Variants in ATP6V1H observed in about 807,000 individuals in gnomAD.
ATP6V1H encodes the protein V-type proton ATPase subunit H.
Under a neutral mutation model 71.7 loss-of-function variants are expected in ATP6V1H, and 39 were observed. The observed-to-expected ratio is 0.54, with a 90% CI of 0.42 to 0.71. The LOEUF is 0.71. ATP6V1H is among the 30% of genes least tolerant of loss of function. The pLI, the probability that ATP6V1H is intolerant of heterozygous loss-of-function variation, is 0.00. For missense variants in ATP6V1H, 509 were observed against 594.9 expected (o/e 0.86, Z 1.50); for synonymous variants, 192 against 199.3 (o/e 0.96, Z 0.31).
At chr8:53,801,703 T>A (rs1051797477) in intron 8 of ATP6V1H, 96 bp downstream of exon 8, 11 of 1,048,858 alleles carry the variant, frequency 1.0e-5, no homozygotes, top group Non-Finnish European at 1.4e-5. Flanking sequence ...ATGAAAAAAA[T>A]AAAATATTTC....
chr8:53,787,260 G>A (rs1242297732), intron 9 of ATP6V1H, among the ~76,000 whole-genome samples: 2 of 152,152 alleles, frequency 1.3e-5, no homozygotes, highest in Non-Finnish European at 2.9e-5. Flanking sequence ...TAGAAGTTAG[G>A]CAAAGACGTT....
At chr8:53,785,953 G>A (rs879262608) in intron 9 of ATP6V1H, among the ~76,000 whole-genome samples, 6 of 152,204 alleles carry the variant, frequency 3.9e-5, no homozygotes, top group Admixed American at 6.5e-5. Flanking sequence ...CCCTTACTGC[G>A]GGATGCCTCC....
At chr8:53,807,357 T>C (rs1164035951) in intron 7 of ATP6V1H, among the ~76,000 whole-genome samples, 3 of 151,668 alleles carry the variant, frequency 2.0e-5, no homozygotes, top group Non-Finnish European at 4.4e-5. Context: ...CCCAGCACTT[T>C]GGGAGGCCGA....
At chr8:53,721,813 A>G (rs1333127704) in intron 13 of ATP6V1H, among the ~76,000 whole-genome samples, 3 of 152,258 alleles carry the variant, frequency 2.0e-5, no homozygotes, top group Non-Finnish European at 2.9e-5. Context: ...TTTCTCAAAC[A>G]TATTTTCATA....
At chr8:53,823,148 G>T (rs1031383454) in intron 4 of ATP6V1H, among the ~76,000 whole-genome samples, 1 of 151,874 alleles carries the variant, frequency 6.6e-6, no homozygotes, top group African/African-American at 2.4e-5. Context: ...CAATAAAGTA[G>T]ATCTGATAAA....
At chr8:53,720,887 T>C (rs936614478) in intron 13 of ATP6V1H, among the ~76,000 whole-genome samples, 2 of 152,230 alleles carry the variant, frequency 1.3e-5, no homozygotes, top group Non-Finnish European at 2.9e-5. Flanking sequence ...TGTGCAAATT[T>C]TTCATAACTA....
intron 6 of ATP6V1H, 57 bp downstream of exon 6, chr8:53,814,605 T>C: frequency 1.0e-6 from 1 of 979,884 alleles, no homozygotes; most frequent in Non-Finnish European, 1.6e-6. Context: ...ATAAATAGCT[T>C]AAAAGAACAC....
intron 7 of ATP6V1H, chr8:53,806,968 G>T (rs1305198327): frequency 2.4e-6 from 1 of 409,328 alleles, no homozygotes; most frequent in African/African-American, 2.0e-5. Flanking sequence ...TTGGACCATC[G>T]TAGGGCAGGG....
At chr8:53,742,742 A>G (rs1223620870) in intron 13 of ATP6V1H, among the ~76,000 whole-genome samples, 1 of 152,254 alleles carries the variant, frequency 6.6e-6, no homozygotes, top group African/African-American at 2.4e-5. Flanking sequence ...ATGTGCCTGC[A>G]TCTTCAAACG....
At chr8:53,777,026 CTG>C (rs1350970214) in intron 9 of ATP6V1H, among the ~76,000 whole-genome samples, 2 of 152,118 alleles carry the variant, frequency 1.3e-5, no homozygotes, top group African/African-American at 4.8e-5. Context: ...CAAAAAAATA[CTG>C]TTTCTTCCCT....
At chr8:53,734,093 C>T (rs569638733) in intron 13 of ATP6V1H, among the ~76,000 whole-genome samples, 42 of 152,212 alleles carry the variant, frequency 2.8e-4, no homozygotes, top group Non-Finnish European at 5.0e-4. Flanking sequence ...CCCCCCAATG[C>T]TGTGGTGACT....
At chr8:53,749,519 C>A (rs1002073691) in intron 12 of ATP6V1H, among the ~76,000 whole-genome samples, 1 of 152,208 alleles carries the variant, frequency 6.6e-6, no homozygotes, top group African/African-American at 2.4e-5. Flanking sequence ...CCTCATGGAG[C>A]TGGCTATCCC....
chr8:53,775,697 C>G lies in ATP6V1H; in HGVS notation c.871-3530G>C, dbSNP rs551104298. ...AATGTTCTCCAAGGCCCCACCAGAG[C>G]AGCTAGATACAGAGTGTCGATTGGT... is the stretch of plus-strand genomic sequence containing the variant. On this transcript the variant is annotated intron_variant, in intron 9 of 13. Transcript: ENST00000359530. Among the ~76,000 whole-genome samples, 6 of 151,986 alleles carry G rather than the reference C, an allele frequency of 3.9e-5. No individual in the cohort carries two copies. In the South Asian group the frequency reaches 1.3e-3, roughly 32 times the overall value.
chr8:53,759,873 G>A (rs1181923845), intron 11 of ATP6V1H, among the ~76,000 whole-genome samples: 1 of 152,228 alleles, frequency 6.6e-6, no homozygotes, highest in Non-Finnish European at 1.5e-5. Flanking sequence ...TACTTGCTAA[G>A]TGTGGAATTA....
intron 9 of ATP6V1H, among the ~76,000 whole-genome samples, chr8:53,772,903 C>CAAAAAAAAAAAAAAAAA (rs201949406): frequency 1.7e-5 from 1 of 59,402 alleles, no homozygotes; most frequent in Non-Finnish European, 3.7e-5. Context: ...CTATCAAATG[C>CAAAAAAAAAAAAAAAAA]AAAAAAAAAA....
chr8:53,728,797 T>G (rs758228311), intron 13 of ATP6V1H, among the ~76,000 whole-genome samples: 1 of 152,192 alleles, frequency 6.6e-6, no homozygotes, highest in Non-Finnish European at 1.5e-5. Context: ...CAGTCCTGAT[T>G]TCACCACAAC....
chr8:53,772,005 T>G lies in ATP6V1H; in HGVS notation c.1033A>C (p.Ser345Arg). 2 of 1,613,856 alleles carry G rather than the reference T, an allele frequency of 1.2e-6. No individual in the cohort carries two copies. The highest frequency in any genetic ancestry group is 1.7e-6 in the Non-Finnish European group (2 of 1,179,822). ...IKFLLEKLGESVQDLSSFDEY... is the reference protein window; with the variant it reads ...IKFLLEKLGERVQDLSSFDEY... ...ATAACACACCTAAGGTCCTGGACAC[T>G]CTCTCCAAGTTTTTCCAAAAGAAAT... Residue 345 changes from serine (S) to arginine (R), a missense_variant, in exon 10 of 14, where the codon AGT becomes CGT. Ser to Arg is a moderately radical substitution (Grantham distance 110). Coordinates refer to ENST00000359530, the MANE Select transcript of ATP6V1H (RefSeq NM_015941.4).
At chr8:53,830,848 GTGTGTA>G (rs1192862468) in intron 3 of ATP6V1H, among the ~76,000 whole-genome samples, 2 of 152,210 alleles carry the variant, frequency 1.3e-5, no homozygotes, top group African/African-American at 4.8e-5. Context: ...CAGGGACTCA[GTGTGTA>G]TGTGCTGAAA....
At chr8:53,773,499 A>G (rs950007993) in intron 9 of ATP6V1H, among the ~76,000 whole-genome samples, 1 of 152,222 alleles carries the variant, frequency 6.6e-6, no homozygotes, top group Non-Finnish European at 1.5e-5. Flanking sequence ...AGGGAAGTCA[A>G]GGAACAATAC....
Sources: gnomAD v4.1 joint callset for allele counts (sites outside exome capture counted in the v4.1 genomes callset) on GRCh38, gnomAD v4.1.1 for gene constraint, MANE v1.5 for transcripts, NCBI Gene and HGNC (gene_info 2026-07-23, HGNC 2026-07-21) for gene names.